Variants in OPRD1 observed in about 807,000 individuals in gnomAD.
The protein encoded by OPRD1 is opioid receptor delta 1.
OPRD1 carries 19 observed loss-of-function variants against 17.5 expected under a neutral mutation model. The observed-to-expected ratio is 1.09, with a 90% confidence interval of 0.76 to 1.60. The LOEUF is 1.60. OPRD1 is among the 40% of genes most tolerant of loss of function. OPRD1 has a pLI of 0.00. For synonymous variants in OPRD1, 256 were observed against 240.9 expected (o/e 1.06, Z -0.58); for missense variants, 483 against 547.2 (o/e 0.88, Z 1.17).
chr1:28,845,006 A>G (rs1310889570), intron 1 of OPRD1, among the ~76,000 whole-genome samples: 1 of 151,864 alleles, frequency 6.6e-6, no homozygotes, highest in African/African-American at 2.4e-5. Context: ...TTGGCCTCCC[A>G]AAGTCCTGGG....
chr1:28,836,383 G>A (rs189224127), intron 1 of OPRD1, among the ~76,000 whole-genome samples: 80 of 152,116 alleles, frequency 5.3e-4, no homozygotes, highest in African/African-American at 1.9e-3. Context: ...GCTTGGTGAT[G>A]TGCGCCTGTA....
intron 1 of OPRD1, among the ~76,000 whole-genome samples, chr1:28,814,186 T>A (rs2088654613): frequency 6.6e-6 from 1 of 152,150 alleles, no homozygotes; most frequent in African/African-American, 2.4e-5. Flanking sequence ...CTTCGCAGGC[T>A]TCGAGGCAGG....
intron 1 of OPRD1, among the ~76,000 whole-genome samples, chr1:28,821,195 C>T (rs1035690248): frequency 4.6e-5 from 7 of 151,866 alleles, no homozygotes; most frequent in African/African-American, 1.5e-4. Flanking sequence ...CTCTGCCTCC[C>T]GGGTTCAAGC....
chr1:28,815,716 G>A (rs1006969844), intron 1 of OPRD1, among the ~76,000 whole-genome samples: 1 of 152,230 alleles, frequency 6.6e-6, no homozygotes, highest in African/African-American at 2.4e-5. Flanking sequence ...AGCCCAAGCA[G>A]GGCCTGCCAC....
At chr1:28,820,023 C>T (rs2088699316) in intron 1 of OPRD1, among the ~76,000 whole-genome samples, 1 of 152,090 alleles carries the variant, frequency 6.6e-6, no homozygotes, top group African/African-American at 2.4e-5. Flanking sequence ...TAGACCCTCA[C>T]AGAGTGGTTA....
chr1:28,824,205 T>C (rs1450979680), intron 1 of OPRD1, among the ~76,000 whole-genome samples: 1 of 147,750 alleles, frequency 6.8e-6, no homozygotes, highest in African/African-American at 2.5e-5. Flanking sequence ...AAAGCCCCAT[T>C]CAAAGAACAC....
At chr1:28,858,020 C>T (rs2089072779) in intron 1 of OPRD1, among the ~76,000 whole-genome samples, 1 of 151,896 alleles carries the variant, frequency 6.6e-6, no homozygotes, top group Non-Finnish European at 1.5e-5. Context: ...TGGTCTCAAT[C>T]TCTGGACCTC....
chr1:28,845,963 T>C (rs2088937282), intron 1 of OPRD1, among the ~76,000 whole-genome samples: 1 of 152,168 alleles, frequency 6.6e-6, no homozygotes, highest in Non-Finnish European at 1.5e-5. Context: ...ACCACATCAC[T>C]TCCCTGTTTA....
intron 1 of OPRD1, among the ~76,000 whole-genome samples, chr1:28,828,664 T>A (rs116424181): frequency 2.3e-4 from 29 of 128,776 alleles, no homozygotes; most frequent in African/African-American, 8.5e-4. Flanking sequence ...CCAGCCTGAG[T>A]GACAGAGTGA....
intron 1 of OPRD1, among the ~76,000 whole-genome samples, chr1:28,838,446 G>A (rs2088871174): frequency 6.6e-6 from 1 of 152,120 alleles, no homozygotes; most frequent in African/African-American, 2.4e-5. Flanking sequence ...CCAGGCCTCA[G>A]TTTCCCCATC....
In OPRD1 at chr1:28,812,333, C is replaced by G. The variant is rs1557565612; in HGVS notation, c.-51C>G. On this transcript the variant is annotated 5_prime_UTR_variant, in exon 1 of 3. Coordinates refer to ENST00000234961, the MANE Select transcript of OPRD1 (RefSeq NM_000911.4). ...TGCCGCTCCCCTCGCGTCGGATCCC[C>G]GCGCCCAGGGCGCACGGTGGAGAGG... is the stretch of plus-strand genomic sequence containing the variant. The G allele has an allele frequency of 8.1e-7, 1 of 1,231,716 alleles. No individual in the cohort carries two copies. The highest frequency in any genetic ancestry group is 1.0e-6 in the Non-Finnish European group (1 of 977,040). 76.3% of individuals were successfully genotyped at this position (1,231,716 alleles called of 1,614,324 possible).
In OPRD1 at chr1:28,869,863, C is replaced by G. The variant is rs952454219; in HGVS notation, c.*6580C>G. 1 of 152,182 alleles carries G rather than the reference C, an allele frequency of 6.6e-6. No homozygotes were observed. The highest frequency in any genetic ancestry group is 2.4e-5 in the African/African-American group (1 of 41,412). 9.4% of individuals were successfully genotyped at this position (152,182 alleles called of 1,614,324 possible). A position where few individuals can be genotyped will look rare whatever the true frequency, so the allele number is the denominator to read the frequency against. On this transcript the variant is annotated 3_prime_UTR_variant, in exon 3 of 3. Coordinates refer to ENST00000234961, the MANE Select transcript of OPRD1 (RefSeq NM_000911.4). ...CCAGCTGCTCAAAAAACTGCTGTAA[C>G]CTTGGTAGATCCCTCTCCCCATCCA...
Position 28,830,975 on chromosome 1 carries a change from G to A in OPRD1, c.227+18365G>A, listed in dbSNP as rs543268320. On this transcript the variant is annotated intron_variant, in intron 1 of 2. Transcript: ENST00000234961. ...GAACCAGGGCAGGAATTAAGCCAGA[G>A]CGGAGATGCTGCTTCTCCTGGCCCC... Among the ~76,000 whole-genome samples the A allele has an allele frequency of 5.9e-5, 9 of 152,378 alleles. No homozygotes were observed. In the South Asian group the frequency reaches 1.7e-3, roughly 28 times the overall value.
At chr1:28,840,256 G>A (rs1040574166) in intron 1 of OPRD1, among the ~76,000 whole-genome samples, 6 of 152,120 alleles carry the variant, frequency 3.9e-5, no homozygotes, top group African/African-American at 1.4e-4. Flanking sequence ...TGCCCTCTGG[G>A]AGCTTATATA....
At position 28,812,397 on chromosome 1, in the gene OPRD1, C is replaced by T. The variant is rs1401246098; in HGVS notation, c.14C>T (p.Pro5Leu). 1 of 1,436,454 alleles carries T rather than the reference C, an allele frequency of 7.0e-7. No homozygotes were observed. Among genetic ancestry groups the T allele is most frequent in the Non-Finnish European group, 9.1e-7 (1 of 1,101,494 alleles). The allele number at this position is 1,436,454 out of a possible 1,614,324, so 89.0% of individuals were successfully genotyped here. The change falls in exon 1 of 3, where the codon CCC becomes CTC. Residue 5 changes from proline to leucine, a missense_variant. By Grantham distance (98) the Pro-to-Leu change is moderately conservative (BLOSUM62 -3). Transcript: ENST00000234961. MEPAPSAGAELQPPL... is the reference protein window; with the variant it reads MEPALSAGAELQPPL... ...CGGCCGGCAGCCATGGAACCGGCCC[C>T]CTCCGCCGGCGCCGAGCTGCAGCCC... is the stretch of plus-strand genomic sequence containing the variant.
At chr1:28,842,256 C>G (rs892261637) in intron 1 of OPRD1, among the ~76,000 whole-genome samples, 5 of 152,194 alleles carry the variant, frequency 3.3e-5, no homozygotes, top group Middle Eastern at 3.2e-3. Context: ...TCTCCAACGC[C>G]TGAGCTCAAG....
At chr1:28,850,241 A>C (rs1046241184) in intron 1 of OPRD1, among the ~76,000 whole-genome samples, 7 of 152,026 alleles carry the variant, frequency 4.6e-5, no homozygotes, top group Admixed American at 2.0e-4. Context: ...GTAATCCTAG[A>C]ACTTTGGGAG....
At chr1:28,861,600 A>C (rs1161605751) in intron 2 of OPRD1, among the ~76,000 whole-genome samples, 1 of 152,136 alleles carries the variant, frequency 6.6e-6, no homozygotes, top group Admixed American at 6.5e-5. Flanking sequence ...ATGCACCACC[A>C]TACCCAGCTA....
intron 1 of OPRD1, among the ~76,000 whole-genome samples, chr1:28,849,448 T>C (rs1009455007): frequency 2.6e-5 from 4 of 152,098 alleles, no homozygotes; most frequent in Admixed American, 2.6e-4. Context: ...TCAGTTCCCC[T>C]ACAGTGAAGC....
Sources: allele counts gnomAD v4.1 joint callset (sites outside exome capture counted in the v4.1 genomes callset), GRCh38; gene constraint gnomAD v4.1.1; transcripts MANE v1.5; gene names NCBI Gene and HGNC (gene_info 2026-07-23, HGNC 2026-07-21).